KIRREL1: variants seen among roughly 807,000 people sequenced by gnomAD.
KIRREL1 encodes kin of IRRE-like protein 1.
A neutral mutation model predicts 83.3 loss-of-function variants in KIRREL1; 25 were observed. The ratio of observed to expected loss-of-function variants is 0.30; its 90% CI spans 0.22 to 0.42. The LOEUF (loss-of-function observed/expected upper bound fraction) is 0.42. Among genes scored for constraint, KIRREL1 ranks in the 10% least tolerant of loss-of-function variants. The pLI, the probability that KIRREL1 is intolerant of heterozygous loss-of-function variation, is 1.00. For synonymous variants in KIRREL1, 388 were observed against 410.4 expected, an observed-to-expected ratio of 0.95 and a Z score of 0.66; for missense variants, 812 against 1,032.3, an observed-to-expected ratio of 0.79 and a Z score of 2.92.
chr1:158,009,346 A>G (rs1439092862), intron 1 of KIRREL1, among the ~76,000 whole-genome samples: 1 of 152,254 alleles, frequency 6.6e-6, no homozygotes, highest in Non-Finnish European at 1.5e-5. Flanking sequence ...AGATCCTGGA[A>G]TATAAACTTT....
intron 1 of KIRREL1, among the ~76,000 whole-genome samples, chr1:158,039,530 C>G (rs539135046): frequency 6.6e-6 from 1 of 152,144 alleles, no homozygotes; most frequent in South Asian, 2.1e-4. Context: ...GCTGGGGTGA[C>G]CAGAGCCGGG....
chr1:158,078,095 A>C lies in KIRREL1; in HGVS notation c.307A>C (p.Thr103Pro). 6.2e-7 allele frequency: 1 copy of C among 1,613,970 alleles called. No individual in the cohort carries two copies. The highest frequency in any genetic ancestry group is 8.5e-7 in the Non-Finnish European group (1 of 1,179,954). Reference sequence around the variant, plus strand: ...CGACGCCTCTTACGAGTGCCAGGCCACGGAGGCCGCCCTGCGCTCTCGGCG... The same window carrying C: ...CGACGCCTCTTACGAGTGCCAGGCCCCGGAGGCCGCCCTGCGCTCTCGGCG... Reference protein sequence around the residue: ...SDDASYECQATEAALRSRRAK... With the variant: ...SDDASYECQAPEAALRSRRAK... Residue 103 changes from threonine to proline, a missense_variant, in exon 3 of 15, where the codon ACG (threonine) becomes CCG (proline). Physicochemically the swap from Thr to Pro is conservative, Grantham distance 38. Around this residue, in one of 3 missense-constraint regions of KIRREL1, gnomAD observed 472 missense variants for 626.8 expected, o/e 0.75. Coordinates refer to ENST00000359209, the MANE Select transcript of KIRREL1 (RefSeq NM_018240.7).
intron 1 of KIRREL1, among the ~76,000 whole-genome samples, chr1:158,053,333 T>C (rs1660958332): frequency 6.6e-6 from 1 of 152,228 alleles, no homozygotes; most frequent in African/African-American, 2.4e-5. Flanking sequence ...TTTGGCACAA[T>C]CTGGTCAGAG....
intron 1 of KIRREL1, among the ~76,000 whole-genome samples, chr1:157,999,728 G>T (rs1659302685): frequency 6.6e-6 from 1 of 151,914 alleles, no homozygotes; most frequent in African/African-American, 2.4e-5. Context: ...AAAGGATGGG[G>T]GTGTGGGGGT....
chr1:158,059,418 G>A (rs745491031), intron 1 of KIRREL1, among the ~76,000 whole-genome samples: 1 of 152,180 alleles, frequency 6.6e-6, no homozygotes, highest in Non-Finnish European at 1.5e-5. Context: ...ACAAGGGTAA[G>A]CATCCACAAT....
chr1:158,035,584 T>C (rs1210027639), intron 1 of KIRREL1, among the ~76,000 whole-genome samples: 1 of 152,210 alleles, frequency 6.6e-6, no homozygotes, highest in Non-Finnish European at 1.5e-5. Flanking sequence ...CATGGAGCCC[T>C]GTTAAATAAG....
intron 3 of KIRREL1, among the ~76,000 whole-genome samples, chr1:158,083,484 G>A (rs1320776712): frequency 6.6e-6 from 1 of 152,242 alleles, no homozygotes; most frequent in Non-Finnish European, 1.5e-5. Flanking sequence ...CTGCAATGCA[G>A]GTCTTGGCTT....
intron 1 of KIRREL1, among the ~76,000 whole-genome samples, chr1:158,061,561 G>T (rs561040588): frequency 1.8e-4 from 28 of 152,224 alleles, no homozygotes; most frequent in Non-Finnish European, 3.8e-4. Context: ...TCTCTAGGCA[G>T]TTTTGTGTGA....
intron 1 of KIRREL1, among the ~76,000 whole-genome samples, chr1:157,998,780 C>T (rs948946567): frequency 6.6e-6 from 1 of 152,148 alleles, no homozygotes; most frequent in Non-Finnish European, 1.5e-5. Flanking sequence ...TCCTTCTTAG[C>T]CTGTGCCCTG....
At chr1:158,046,154 C>T (rs540506672) in intron 1 of KIRREL1, among the ~76,000 whole-genome samples, 2 of 152,286 alleles carry the variant, frequency 1.3e-5, no homozygotes, top group South Asian at 4.2e-4. Flanking sequence ...CTGCAGTAAT[C>T]CAGGCACAAG....
At chr1:158,003,303 A>G (rs1659419214) in intron 1 of KIRREL1, among the ~76,000 whole-genome samples, 1 of 152,216 alleles carries the variant, frequency 6.6e-6, no homozygotes, top group South Asian at 2.1e-4. Flanking sequence ...TCAAAGGAGC[A>G]GAAACCCAAG....
chr1:158,093,103 T>A (rs1372225409), intron 11 of KIRREL1, among the ~76,000 whole-genome samples: 1 of 152,126 alleles, frequency 6.6e-6, no homozygotes, highest in Admixed American at 6.5e-5. Context: ...GACATGACCA[T>A]GATCTCCATT....
At chr1:158,015,461 G>A (rs1161158989) in intron 1 of KIRREL1, among the ~76,000 whole-genome samples, 2 of 152,190 alleles carry the variant, frequency 1.3e-5, no homozygotes, top group East Asian at 1.9e-4. Context: ...GCCCCTTAAA[G>A]AATTGCTTTT....
chr1:157,999,332 TAG>T (rs1281383454), intron 1 of KIRREL1, among the ~76,000 whole-genome samples: 2 of 152,190 alleles, frequency 1.3e-5, no homozygotes, highest in African/African-American at 4.8e-5. Flanking sequence ...CTCCCACGTT[TAG>T]AGTCTTTTAT....
rs1662404643 is a variant in KIRREL1, at chr1:158,098,304, G to A, written c.*3184G>A. Reference sequence around the variant, plus strand: ...CAGGGCAGGACATAGTATGCACATAGGGATATTGTTATGTGCCTAGGTTTC... The same window carrying A: ...CAGGGCAGGACATAGTATGCACATAAGGATATTGTTATGTGCCTAGGTTTC... On this transcript the variant is annotated 3_prime_UTR_variant, in exon 15 of 15. Coordinates refer to ENST00000359209, the MANE Select transcript of KIRREL1 (RefSeq NM_018240.7). 6.6e-6 allele frequency: 1 copy of A among 152,242 alleles called. No homozygotes were observed. Among genetic ancestry groups the A allele is most frequent in the Admixed American group, 6.5e-5 (1 of 15,290 alleles). The allele number at this position is 152,242 out of a possible 1,614,324, so 9.4% of individuals were successfully genotyped here.
At chr1:158,022,522 C>G (rs936281325) in intron 1 of KIRREL1, among the ~76,000 whole-genome samples, 64 of 152,236 alleles carry the variant, frequency 4.2e-4, no homozygotes, top group African/African-American at 1.5e-3. Context: ...TAAAAAACAC[C>G]CATATTCTTT....
At chr1:158,044,296 C>T (rs979299146) in intron 1 of KIRREL1, among the ~76,000 whole-genome samples, 3 of 152,162 alleles carry the variant, frequency 2.0e-5, no homozygotes, top group African/African-American at 7.2e-5. Flanking sequence ...CAAGGTCCTG[C>T]ATCTGGGAGG....
intron 3 of KIRREL1, among the ~76,000 whole-genome samples, chr1:158,082,008 C>T (rs1270974575): frequency 6.6e-6 from 1 of 152,130 alleles, no homozygotes; most frequent in Non-Finnish European, 1.5e-5. Context: ...GACCAGGAGG[C>T]CCTGAGCAGC....
chr1:158,001,853 CA>C (rs1659370501), intron 1 of KIRREL1, among the ~76,000 whole-genome samples: 1 of 152,114 alleles, frequency 6.6e-6, no homozygotes, highest in Non-Finnish European at 1.5e-5. Flanking sequence ...AGACTTCTTG[CA>C]AAGACTCCCC....
Sources: allele counts gnomAD v4.1 joint callset (sites outside exome capture counted in the v4.1 genomes callset), GRCh38; gene constraint gnomAD v4.1.1; regional missense constraint gnomAD v4.1.1; transcripts MANE v1.5; gene names NCBI Gene and HGNC (gene_info 2026-07-23, HGNC 2026-07-21).